The following NCKAP5L variants were observed in gnomAD, a reference collection of about 807,000 sequenced individuals.
NCKAP5L encodes NCK associated protein 5 like, also known as nck-associated protein 5-like.
In NCKAP5L, 54 loss-of-function variants were observed where a neutral mutation model predicts 103.2. The ratio of observed to expected loss-of-function variants is 0.52; its 90% CI spans 0.42 to 0.66. The LOEUF is 0.66. Among genes scored for constraint, NCKAP5L ranks in the 30% least tolerant of loss-of-function variants. The pLI, the probability that NCKAP5L is intolerant of heterozygous loss-of-function variation, is 0.00. For missense variants in NCKAP5L, 1,733 were observed against 1,750.6 expected (o/e 0.99, Z 0.18); for synonymous variants, 762 against 748.6 (o/e 1.02, Z -0.29).
In NCKAP5L at chr12:49,791,549, G is replaced by A. The variant is rs1945934144; in HGVS notation, c.*290C>T. 2.9e-5 allele frequency: 9 copies of A among 305,884 alleles called. No homozygotes were observed. The South Asian group carries it at 4.5e-4, about 15-fold the overall frequency. 18.9% of individuals were successfully genotyped at this position (305,884 alleles called of 1,614,324 possible). A position where few individuals can be genotyped will look rare whatever the true frequency, so the allele number is the denominator to read the frequency against. On this transcript the variant is annotated 3_prime_UTR_variant, in exon 13 of 13. Coordinates refer to ENST00000335999, the MANE Select transcript of NCKAP5L (RefSeq NM_001037806.4). ...GATGGCTCAGCCTGAAGTAGGGACTGGAGGGCTGCGACACAGTGGCCTTTA... is the reference window on the plus strand; with the variant it reads ...GATGGCTCAGCCTGAAGTAGGGACTAGAGGGCTGCGACACAGTGGCCTTTA...
chr12:49,802,185 C>G (rs1811039663), intron 5 of NCKAP5L: 1 of 524,766 alleles, frequency 1.9e-6, no homozygotes, highest in Non-Finnish European at 3.4e-6. Flanking sequence ...TTTATCACCC[C>G]TGGTGGGAGG....
chr12:49,794,615 C>CCCA (rs1362714030), intron 8 of NCKAP5L, 150 bp downstream of exon 8: 4 of 534,312 alleles, frequency 7.5e-6, no homozygotes, highest in African/African-American at 6.0e-5. Context: ...ACCCCCCCAC[C>CCCA]AGCTGCTTTG....
intron 1 of NCKAP5L, among the ~76,000 whole-genome samples, chr12:49,813,557 T>A (rs1946263882): frequency 6.6e-6 from 1 of 152,186 alleles, no homozygotes; most frequent in African/African-American, 2.4e-5. Context: ...AGATGGAGTC[T>A]CACTCTGTCG....
At chr12:49,817,700 C>T (rs1034967218) in intron 1 of NCKAP5L, among the ~76,000 whole-genome samples, 1 of 151,794 alleles carries the variant, frequency 6.6e-6, no homozygotes, top group African/African-American at 2.4e-5. Flanking sequence ...ACAAAGATGC[C>T]AAGAACATAC....
chr12:49,823,182 TG>T (rs1428934751), intron 1 of NCKAP5L, among the ~76,000 whole-genome samples: 3 of 151,982 alleles, frequency 2.0e-5, no homozygotes, highest in African/African-American at 4.8e-5. Flanking sequence ...GGGTAAAAGT[TG>T]GGTTTATTCT....
In NCKAP5L at chr12:49,796,987, G is replaced by A. The variant is rs1452179977; in HGVS notation, c.873C>T (p.Asn291=). 1 of 1,596,004 alleles carries A rather than the reference G, an allele frequency of 6.3e-7. No individual in the cohort carries two copies. Among genetic ancestry groups the A allele is most frequent in the South Asian group, 1.1e-5 (1 of 88,418 alleles). The change falls in exon 8 of 13, where the codon AAC becomes AAT. Residue 291 remains asparagine, a synonymous_variant. Coordinates refer to ENST00000335999, the MANE Select transcript of NCKAP5L (RefSeq NM_001037806.4). ...AGGAGGAGCTGCTGCCTGGGGCACA[G>A]TTTGGGCCAGAGCTGGTGCCCTGGG... ...PQAQGTSSGP[N]CAPGSSSSSS...
Position 49,795,991 on chromosome 12 carries a change from C to T in NCKAP5L, c.1869G>A (p.Leu623=). Residue 623 remains leucine, a synonymous_variant, in exon 8 of 13, where the codon TTG becomes TTA. Transcript: ENST00000335999. ...YPYGSPQEKS[L]DKAGSESPHP... The stretch of plus-strand genomic sequence containing the variant: ...GGGGAGACTCCGAGCCTGCCTTGTC[C>T]AAACTCTTCTCTTGGGGGCTCCCAT... 1 of 1,538,948 alleles carries T rather than the reference C, an allele frequency of 6.5e-7. No homozygotes were observed. The highest frequency in any genetic ancestry group is 1.3e-5 in the South Asian group (1 of 77,028).
Position 49,804,072 on chromosome 12 carries a change from C to T in NCKAP5L, c.-28G>A, listed in dbSNP as rs780404914. 8 of 1,605,094 alleles carry T rather than the reference C, an allele frequency of 5.0e-6. No individual in the cohort carries two copies. In the African/African-American group the frequency reaches 1.1e-4, roughly 21 times the overall value. Reference sequence around the variant, plus strand: ...GGCCCTGGGAACAAGGAAGAGAAGCCCCGGCAGGCTACTCCAGGGAATGAG... The same window carrying T: ...GGCCCTGGGAACAAGGAAGAGAAGCTCCGGCAGGCTACTCCAGGGAATGAG... On this transcript the variant is annotated 5_prime_UTR_variant, in exon 3 of 13. Transcript: ENST00000335999.
rs1946136475 is a variant in NCKAP5L at position 49,802,967 on chromosome 12, C to G, written c.222G>C (p.Leu74=). The change falls in exon 5 of 13, where the codon CTG becomes CTC. Residue 74 remains leucine (L), a synonymous_variant. Coordinates refer to ENST00000335999, the MANE Select transcript of NCKAP5L (RefSeq NM_001037806.4). ...EVANHVVQAL[L]NQKDLREECI... ...TGTCTGGGTTACTCACCTTCTGGTTCAGCAACGCCTGTACCACATGGTTGG... is the reference window on the plus strand; with the variant it reads ...TGTCTGGGTTACTCACCTTCTGGTTGAGCAACGCCTGTACCACATGGTTGG... 6.2e-7 allele frequency: 1 copy of G among 1,614,144 alleles called. No individual in the cohort carries two copies. The highest frequency in any genetic ancestry group is 8.5e-7 in the Non-Finnish European group (1 of 1,179,994).
At position 49,796,721 on chromosome 12, in the gene NCKAP5L, G is replaced by C; in HGVS notation, c.1139C>G (p.Ala380Gly). 1 of 1,606,456 alleles carries C rather than the reference G, an allele frequency of 6.2e-7. No homozygotes were observed. Among genetic ancestry groups the C allele is most frequent in the Non-Finnish European group, 8.5e-7 (1 of 1,176,560 alleles). Residue 380 changes from alanine (A) to glycine (G), a missense_variant, in exon 8 of 13, where the codon GCT becomes GGT. Transcript: ENST00000335999. ...GGCCTCTGGGGTACCCCCACCCCAA[G>C]CTGACTTGGGGAGGCCTTTGGACTT... is the stretch of plus-strand genomic sequence containing the variant. ...LSKSKGLPKSAWGGGTPEAHR... is the reference protein window; with the variant it reads ...LSKSKGLPKSGWGGGTPEAHR...
intron 1 of NCKAP5L, among the ~76,000 whole-genome samples, chr12:49,809,481 G>T (rs542458813): frequency 7.2e-5 from 11 of 152,124 alleles, no homozygotes; most frequent in Admixed American, 5.2e-4. Flanking sequence ...GACCAGGAGT[G>T]GGGGAGGGTG....
rs756427461 is a variant in NCKAP5L, at chr12:49,795,784, G to A, written c.2076C>T (p.Thr692=). Residue 692 remains threonine, a synonymous_variant, in exon 8 of 13, where the codon ACC becomes ACT. Coordinates refer to ENST00000335999, the MANE Select transcript of NCKAP5L (RefSeq NM_001037806.4). ...EKNGVPARPG[T]EKTRGPGKSG... ...ACTTCCCAGGTCCCCGGGTCTTTTCGGTGCCAGGCCTGGCTGGCACCCCAT... is the reference window on the plus strand; with the variant it reads ...ACTTCCCAGGTCCCCGGGTCTTTTCAGTGCCAGGCCTGGCTGGCACCCCAT... 15 of 1,582,740 alleles carry A rather than the reference G, an allele frequency of 9.5e-6. No individual in the cohort carries two copies. The highest frequency in any genetic ancestry group is 9.1e-5 in the Admixed American group (5 of 55,242).
chr12:49,793,023 G>A (rs1321437790), intron 10 of NCKAP5L, 37 bp from the exon 11 acceptor site: 1 of 1,445,278 alleles, frequency 6.9e-7, no homozygotes, highest in South Asian at 1.4e-5. Flanking sequence ...AAGAGTGTGA[G>A]GCTGGGCTCA....
Position 49,803,081 on chromosome 12 carries a change from C to T in NCKAP5L, c.192+16G>A, listed in dbSNP as rs1398718462. On this transcript the variant is annotated intron_variant, in intron 4 of 12. Transcript: ENST00000335999. ...GATGAGCCACATCCCCCCAGTCCCACTACAGACCCACAGACCTCGTCCAGA... is the reference window on the plus strand; with the variant it reads ...GATGAGCCACATCCCCCCAGTCCCATTACAGACCCACAGACCTCGTCCAGA... The T allele has an allele frequency of 1.9e-6, 3 of 1,614,150 alleles. No individual in the cohort carries two copies. The highest frequency in any genetic ancestry group is 3.3e-5 in the Admixed American group (2 of 60,018).
Position 49,792,621 on chromosome 12 carries a change from T to G in NCKAP5L, c.3650-33A>C. 4 of 1,613,458 alleles carry G rather than the reference T, an allele frequency of 2.5e-6. No individual in the cohort carries two copies. Among genetic ancestry groups the G allele is most frequent in the Non-Finnish European group, 3.4e-6 (4 of 1,179,608 alleles). ...GGAACAAAGGGAAGGTGGATGGAGC[T>G]GCCTGGGCAGCTCCAGGATGCCCAG... On this transcript the variant is annotated intron_variant, in intron 11 of 12. Coordinates refer to ENST00000335999, the MANE Select transcript of NCKAP5L (RefSeq NM_001037806.4). This position sits in a 1 kb window ranked among gnomAD's most constrained non-coding sequence, Gnocchi z 4.5.
intron 1 of NCKAP5L, among the ~76,000 whole-genome samples, chr12:49,822,524 G>T (rs1255559942): frequency 6.6e-6 from 1 of 151,736 alleles, no homozygotes; most frequent in Non-Finnish European, 1.5e-5. Flanking sequence ...TTATGGGGGA[G>T]AACGCGATGG....
intron 1 of NCKAP5L, among the ~76,000 whole-genome samples, chr12:49,820,445 T>A (rs1292853894): frequency 6.6e-6 from 1 of 151,548 alleles, no homozygotes; most frequent in Non-Finnish European, 1.5e-5. Context: ...GCCTCCCGAG[T>A]AGCTGGGACT....
intron 8 of NCKAP5L, 128 bp from the exon 9 acceptor site, chr12:49,794,024 G>T: frequency 2.3e-6 from 2 of 874,268 alleles, no homozygotes; most frequent in Non-Finnish European, 3.2e-6. Flanking sequence ...AAGGGGACAT[G>T]TCGCTAGTGA....
chr12:49,812,551 T>C (rs901048610), intron 1 of NCKAP5L, among the ~76,000 whole-genome samples: 1 of 152,020 alleles, frequency 6.6e-6, no homozygotes, highest in African/African-American at 2.4e-5. Context: ...GCCTGGCTAA[T>C]TTTTGTATTT....
Sources: gnomAD v4.1 joint callset for allele counts (sites outside exome capture counted in the v4.1 genomes callset) on GRCh38, gnomAD v4.1.1 for gene constraint, Gnocchi (gnomAD v3.1) non-coding constraint, MANE v1.5 for transcripts, NCBI Gene and HGNC (gene_info 2026-07-23, HGNC 2026-07-21) for gene names.